The following HECW1 variants were observed in gnomAD, a reference collection of about 807,000 sequenced individuals.
HECW1 encodes HECT, C2 and WW domain containing E3 ubiquitin protein ligase 1.
Under a neutral mutation model 182.3 loss-of-function variants are expected in HECW1, and 61 were observed. That is an observed-to-expected ratio of 0.33 (90% confidence interval 0.27 to 0.41). HECW1 has a LOEUF of 0.41. Ranked by LOEUF, HECW1 falls within the 10% of genes least tolerant of loss-of-function variation. The pLI is 1.00. For synonymous variants in HECW1, 859 were observed against 832.6 expected (o/e 1.03, Z -0.55); for missense variants, 1,739 against 2,108.9 (o/e 0.82, Z 3.44).
chr7:43,556,473 G>T (rs902200778), intron 29 of HECW1, among the ~76,000 whole-genome samples: 1 of 152,252 alleles, frequency 6.6e-6, no homozygotes, highest in South Asian at 2.1e-4. Flanking sequence ...GATAGCTTGC[G>T]CCCAAGAGTT....
intron 17 of HECW1, among the ~76,000 whole-genome samples, chr7:43,481,239 G>C (rs1348518392): frequency 2.6e-5 from 4 of 152,188 alleles, no homozygotes; most frequent in African/African-American, 9.7e-5. Flanking sequence ...TGGCATTCCT[G>C]TAACACTTCA....
At chr7:43,302,957 A>ACACACACGCGCG (rs1807044658) in intron 3 of HECW1, among the ~76,000 whole-genome samples, 4 of 106,018 alleles carry the variant, frequency 3.8e-5, no homozygotes, top group Admixed American at 3.3e-4. Context: ...ACATGCGCGC[A>ACACACACGCGCG]CACACACACA....
intron 2 of HECW1, among the ~76,000 whole-genome samples, chr7:43,135,080 G>A (rs779560396): frequency 6.6e-5 from 10 of 151,940 alleles, no homozygotes; most frequent in African/African-American, 1.7e-4. Context: ...TATTTATCTC[G>A]GGGATGTTGT....
Position 43,432,021 on chromosome 7 carries a change from G to A in HECW1, c.802-5982G>A, listed in dbSNP as rs2076565446. ...TTTTGTAGTTTTTAGTAGAGATGGG[G>A]GTTTCACCATCTTGGCCAGGCTTGT... On this transcript the variant is annotated intron_variant, in intron 8 of 29. Transcript: ENST00000395891. The surrounding 1 kb of genome is among the most constrained non-coding windows in gnomAD (Gnocchi z 4.1). 3.3e-5 allele frequency among the ~76,000 whole-genome samples: 5 copies of A among 152,008 alleles called. No individual in the cohort carries two copies. In the South Asian group the frequency reaches 1.0e-3, roughly 32 times the overall value.
chr7:43,238,754 T>C (rs1355394483), intron 2 of HECW1, among the ~76,000 whole-genome samples: 1 of 152,226 alleles, frequency 6.6e-6, no homozygotes, highest in Non-Finnish European at 1.5e-5. Context: ...GTTCATGCTC[T>C]TCAAGTAAAG....
Position 43,541,269 on chromosome 7 carries a change from C to T in HECW1, c.4118+8C>T, listed in dbSNP as rs747657331. The T allele has an allele frequency of 6.2e-7, 1 of 1,604,286 alleles. No individual in the cohort carries two copies. The highest frequency in any genetic ancestry group is 1.1e-5 in the South Asian group (1 of 90,872). ...CAAGGCACTCCTGAGACTGTAAGTGCTTTGCAGACCATGCTTCCAACCCAG... is the reference window on the plus strand; with the variant it reads ...CAAGGCACTCCTGAGACTGTAAGTGTTTTGCAGACCATGCTTCCAACCCAG... On this transcript the variant is annotated splice_region_variant and intron_variant, in intron 25 of 29. Coordinates refer to ENST00000395891, the MANE Select transcript of HECW1 (RefSeq NM_015052.5).
At chr7:43,265,769 C>G (rs1450956953) in intron 3 of HECW1, among the ~76,000 whole-genome samples, 1 of 152,208 alleles carries the variant, frequency 6.6e-6, no homozygotes, top group African/African-American at 2.4e-5. Flanking sequence ...CAGCCGAAAA[C>G]AGGGTTCCCA....
At chr7:43,239,952 G>C (rs1798714458) in intron 2 of HECW1, 2 of 152,198 alleles carry the variant, frequency 1.3e-5, no homozygotes, top group South Asian at 4.1e-4. Context: ...GTGGGGTTCT[G>C]AGTGACCTTT....
chr7:43,287,411 G>C (rs1289079812), intron 3 of HECW1, among the ~76,000 whole-genome samples: 2 of 152,160 alleles, frequency 1.3e-5, no homozygotes, highest in Non-Finnish European at 2.9e-5. Flanking sequence ...GGAGTCCAGG[G>C]TTGCTGGACC....
At chr7:43,241,166 A>G (rs1157398823) in intron 2 of HECW1, 1 of 152,274 alleles carries the variant, frequency 6.6e-6, no homozygotes, top group African/African-American at 2.4e-5. Context: ...TGGATCCCAT[A>G]TGGCAGAAGC....
intron 24 of HECW1, among the ~76,000 whole-genome samples, chr7:43,521,516 G>A (rs1052474617): frequency 6.6e-6 from 1 of 152,230 alleles, no homozygotes; most frequent in Non-Finnish European, 1.5e-5. Context: ...ATGGCTGCGG[G>A]TTGAATATAT....
intron 24 of HECW1, among the ~76,000 whole-genome samples, chr7:43,539,599 C>G (rs997072720): frequency 9.8e-5 from 15 of 152,322 alleles, no homozygotes; most frequent in African/African-American, 3.1e-4. Context: ...TATTTCATAT[C>G]TGCATATATT....
intron 8 of HECW1, among the ~76,000 whole-genome samples, chr7:43,436,552 A>G (rs915304397): frequency 6.6e-6 from 1 of 152,110 alleles, no homozygotes; most frequent in African/African-American, 2.4e-5. Flanking sequence ...GTTCTCTGGC[A>G]GGCAGGGGTG....
chr7:43,144,926 A>G (rs1562594518), intron 2 of HECW1, among the ~76,000 whole-genome samples: 1 of 152,164 alleles, frequency 6.6e-6, no homozygotes, highest in Non-Finnish European at 1.5e-5. Flanking sequence ...CTATTTTCTC[A>G]CTTGCTTTTA....
chr7:43,353,951 A>G (rs911654941), intron 5 of HECW1, among the ~76,000 whole-genome samples: 1 of 152,182 alleles, frequency 6.6e-6, no homozygotes, highest in African/African-American at 2.4e-5. Flanking sequence ...AGCTTGTTCC[A>G]TAGATCCCCT....
rs182227573 is a variant in HECW1 at position 43,350,001 on chromosome 7, T to C, written c.461-10885T>C. ...AAAGAGGTTCTGTTTTGACGTGTTT[T>C]CAGGATTTGTTTCAAGATTTAGAGC... On this transcript the variant is annotated intron_variant, in intron 5 of 29. Coordinates refer to ENST00000395891, the MANE Select transcript of HECW1 (RefSeq NM_015052.5). Among the ~76,000 whole-genome samples the C allele has an allele frequency of 1.6e-4, 25 of 152,348 alleles. No individual in the cohort carries two copies. In the East Asian group the frequency reaches 4.8e-3, roughly 29 times the overall value.
chr7:43,313,425 C>A (rs1306526916), intron 4 of HECW1, among the ~76,000 whole-genome samples: 1 of 151,362 alleles, frequency 6.6e-6, no homozygotes, highest in Non-Finnish European at 1.5e-5. Flanking sequence ...GCAACCTCTG[C>A]CTCCCGGGTT....
At chr7:43,234,499 C>G (rs1365627609) in intron 2 of HECW1, among the ~76,000 whole-genome samples, 1 of 147,690 alleles carries the variant, frequency 6.8e-6, no homozygotes, top group Admixed American at 6.7e-5. Context: ...AGATGCTCTC[C>G]CACCTCAGGC....
chr7:43,186,093 A>G (rs949477995), intron 2 of HECW1, among the ~76,000 whole-genome samples: 8 of 152,182 alleles, frequency 5.3e-5, no homozygotes, highest in Non-Finnish European at 8.8e-5. Flanking sequence ...CAAGAGCAAG[A>G]TAATCGTCAT....
Sources: allele counts gnomAD v4.1 joint callset (sites outside exome capture counted in the v4.1 genomes callset), GRCh38; gene constraint gnomAD v4.1.1; non-coding constraint Gnocchi (gnomAD v3.1); transcripts MANE v1.5; gene names NCBI Gene and HGNC (gene_info 2026-07-23, HGNC 2026-07-21).